The following PRKG1 variants were observed in gnomAD, a reference collection of about 807,000 sequenced individuals.
PRKG1 encodes the protein cGMP-dependent protein kinase 1.
A neutral mutation model predicts 88.1 loss-of-function variants in PRKG1; 35 were observed. That is an observed-to-expected ratio of 0.40 (90% CI 0.30 to 0.53). The LOEUF (loss-of-function observed/expected upper bound fraction) is 0.53. Ranked by LOEUF, PRKG1 falls within the 20% of genes least tolerant of loss-of-function variation. The pLI is 0.59. For missense variants in PRKG1, 540 were observed against 839.8 expected (o/e 0.64, Z 4.41); for synonymous variants, 303 against 292.5 (o/e 1.04, Z -0.37).
chr10:51,274,114 T>G (rs1254882146), intron 2 of PRKG1, among the ~76,000 whole-genome samples: 1 of 152,206 alleles, frequency 6.6e-6, no homozygotes, highest in African/African-American at 2.4e-5. Context: ...TCAGTGAATA[T>G]TTATGACACC....
At chr10:51,261,881 A>ATTT (rs375382268) in intron 2 of PRKG1, among the ~76,000 whole-genome samples, 19 of 120,606 alleles carry the variant, frequency 1.6e-4, no homozygotes, top group African/African-American at 4.5e-4. Context: ...GGATTTTCTA[A>ATTT]TTTTTTTTTT....
chr10:52,175,784 G>A (rs1038642895), intron 9 of PRKG1, among the ~76,000 whole-genome samples: 5 of 152,012 alleles, frequency 3.3e-5, no homozygotes, highest in South Asian at 2.1e-4. Flanking sequence ...TTGGCCATTT[G>A]TATGTCTTCT....
intron 2 of PRKG1, among the ~76,000 whole-genome samples, chr10:51,344,969 A>G (rs902692633): frequency 2.0e-5 from 3 of 152,194 alleles, no homozygotes; most frequent in Admixed American, 6.5e-5. Flanking sequence ...ACATACAAAT[A>G]ACAAGACTGT....
intron 8 of PRKG1, among the ~76,000 whole-genome samples, chr10:52,154,774 A>G (rs1432417462): frequency 6.6e-6 from 1 of 152,054 alleles, no homozygotes; most frequent in Non-Finnish European, 1.5e-5. Flanking sequence ...CCCAGTACGT[A>G]GTCTTTTATC....
chr10:51,792,523 A>G (rs988973366), intron 3 of PRKG1, among the ~76,000 whole-genome samples: 1 of 152,142 alleles, frequency 6.6e-6, no homozygotes, highest in Non-Finnish European at 1.5e-5. Flanking sequence ...AACAAATGTA[A>G]GAATATAGTG....
intron 2 of PRKG1, among the ~76,000 whole-genome samples, chr10:51,373,389 G>A (rs560486723): frequency 5.3e-5 from 8 of 152,262 alleles, no homozygotes; most frequent in Admixed American, 5.2e-4. Context: ...TTGATAAGGA[G>A]GTGCTATGAT....
chr10:51,467,188 A>G (rs1839927181), intron 2 of PRKG1, among the ~76,000 whole-genome samples: 2 of 151,926 alleles, frequency 1.3e-5, no homozygotes. Flanking sequence ...GTTTTTTCCT[A>G]CAGTTAACAT....
At chr10:51,856,575 A>G (rs896832073) in intron 4 of PRKG1, among the ~76,000 whole-genome samples, 3 of 152,176 alleles carry the variant, frequency 2.0e-5, no homozygotes, top group African/African-American at 7.2e-5. Flanking sequence ...TAAGGTGGCC[A>G]TTATAAGAGA....
intron 5 of PRKG1, among the ~76,000 whole-genome samples, chr10:51,988,042 C>T (rs1844208451): frequency 6.6e-6 from 1 of 152,000 alleles, no homozygotes; most frequent in African/African-American, 2.4e-5. Flanking sequence ...CTTCAAATCT[C>T]TCTTTTGCCT....
chr10:50,991,326 G>GCCA lies in PRKG1; in HGVS notation c.-51_-50insACC, dbSNP rs2132705041. 3 of 1,486,826 alleles carry GCCA rather than the reference G, an allele frequency of 2.0e-6. No individual in the cohort carries two copies. The highest frequency in any genetic ancestry group is 2.5e-5 in the Admixed American group (1 of 40,520). 92.1% of individuals were successfully genotyped at this position (1,486,826 alleles called of 1,614,324 possible). Reference sequence around the variant, plus strand: ...TGCCGTCCCAGCCGCCGCCGCCGCCGCCGCCGCCGCCGCCGCCCGAGAAAA... The same window carrying GCCA: ...TGCCGTCCCAGCCGCCGCCGCCGCCGCCACCGCCGCCGCCGCCGCCCGAGAAAA... On this transcript the variant is annotated 5_prime_UTR_variant, in exon 1 of 18. Coordinates refer to the PRKG1 transcript ENST00000401604. This position sits in a 1 kb window ranked among gnomAD's most constrained non-coding sequence, Gnocchi z 4.5.
chr10:51,242,926 C>G (rs1024174780), intron 2 of PRKG1, among the ~76,000 whole-genome samples: 1 of 152,242 alleles, frequency 6.6e-6, no homozygotes, highest in Non-Finnish European at 1.5e-5. Context: ...TTTAATTTCT[C>G]TCTTGGAAAA....
intron 1 of PRKG1, among the ~76,000 whole-genome samples, chr10:51,140,579 G>C (rs1041629595): frequency 6.6e-6 from 1 of 152,132 alleles, no homozygotes; most frequent in African/African-American, 2.4e-5. Context: ...GGAGGATTAG[G>C]TGAGATAACA....
intron 3 of PRKG1, among the ~76,000 whole-genome samples, chr10:51,791,155 G>A: frequency 6.6e-6 from 1 of 152,076 alleles, no homozygotes; most frequent in Non-Finnish European, 1.5e-5. Flanking sequence ...AGTTAAGGCT[G>A]TTAGCTTAAG....
chr10:51,875,979 A>G (rs1841289797), intron 4 of PRKG1, among the ~76,000 whole-genome samples: 1 of 149,170 alleles, frequency 6.7e-6, no homozygotes, highest in Admixed American at 6.7e-5. Context: ...TTCAGAGCAC[A>G]TGCCGTCAAT....
chr10:52,244,560 A>T (rs1488096270), intron 9 of PRKG1, among the ~76,000 whole-genome samples: 1 of 151,346 alleles, frequency 6.6e-6, no homozygotes, highest in Non-Finnish European at 1.5e-5. Flanking sequence ...CTGTAGTTTA[A>T]GCCCAAATCA....
chr10:52,202,001 C>T (rs1839683375), intron 9 of PRKG1, among the ~76,000 whole-genome samples: 2 of 152,016 alleles, frequency 1.3e-5, no homozygotes, highest in South Asian at 4.1e-4. Context: ...TGTCTGCAAA[C>T]AGAGATAGTT....
chr10:51,986,084 A>G (rs1351424617), intron 5 of PRKG1, among the ~76,000 whole-genome samples: 2 of 152,184 alleles, frequency 1.3e-5, no homozygotes, highest in African/African-American at 4.8e-5. Flanking sequence ...CACTGTCCAG[A>G]ACCACAAGAG....
At chr10:51,605,125 C>T (rs538891509) in intron 3 of PRKG1, among the ~76,000 whole-genome samples, 1 of 152,312 alleles carries the variant, frequency 6.6e-6, no homozygotes, top group South Asian at 2.1e-4. Flanking sequence ...CGTTGTTCTG[C>T]CATCACTGGT....
intron 3 of PRKG1, among the ~76,000 whole-genome samples, chr10:51,754,679 G>T (rs1837811659): frequency 6.6e-6 from 1 of 152,166 alleles, no homozygotes. Flanking sequence ...ATGCTGTCTT[G>T]CAGAAGGTGC....
Sources: allele counts gnomAD v4.1 joint callset (sites outside exome capture counted in the v4.1 genomes callset), GRCh38; gene constraint gnomAD v4.1.1; non-coding constraint Gnocchi (gnomAD v3.1); transcripts MANE v1.5; gene names NCBI Gene and HGNC (gene_info 2026-07-23, HGNC 2026-07-21).